Variants in MDGA2 observed in about 807,000 individuals in gnomAD.
MDGA2 encodes the protein MAM domain-containing glycosylphosphatidylinositol anchor protein 2.
In MDGA2, 40 loss-of-function variants were observed where a neutral mutation model predicts 117.8. The ratio of observed to expected loss-of-function variants is 0.34; its 90% CI spans 0.26 to 0.44. The LOEUF (loss-of-function observed/expected upper bound fraction) is 0.44, where lower values mean the gene tolerates loss of function less well. MDGA2 is among the 20% of genes least tolerant of loss of function. MDGA2 has a pLI of 1.00. For missense variants in MDGA2, 1,123 were observed against 1,250.6 expected (o/e 0.90, Z 1.54); for synonymous variants, 452 against 439.0 (o/e 1.03, Z -0.37).
At position 47,668,566 on chromosome 14, in the gene MDGA2, T is replaced by C. The variant is rs150317973; in HGVS notation, c.280+5951A>G. On this transcript the variant is annotated intron_variant, in intron 1 of 16. Coordinates refer to ENST00000399232, the MANE Select transcript of MDGA2 (RefSeq NM_001113498.3). ...TGGATTTGAAAATAAAGATAGGATATAGTTTTCTATGAATGCAATATTTTA... is the reference window on the plus strand; with the variant it reads ...TGGATTTGAAAATAAAGATAGGATACAGTTTTCTATGAATGCAATATTTTA... 3.1e-3 allele frequency among the ~76,000 whole-genome samples: 472 copies of C among 152,322 alleles called. 1 individual carries two copies. The highest frequency in any genetic ancestry group is 0.011 in the African/African-American group (444 of 41,582).
At chr14:47,189,138 T>G (rs971365083) in intron 3 of MDGA2, among the ~76,000 whole-genome samples, 2 of 152,134 alleles carry the variant, frequency 1.3e-5, no homozygotes, top group African/African-American at 2.4e-5. Flanking sequence ...GATTGCAACC[T>G]TGATCTCACT....
intron 12 of MDGA2, among the ~76,000 whole-genome samples, 185 bp downstream of exon 12, chr14:46,877,304 A>C (rs536355419): frequency 2.0e-5 from 3 of 151,796 alleles, no homozygotes; most frequent in Admixed American, 6.6e-5. Context: ...AGTATTAAAA[A>C]ATTGTATTTA....
At chr14:47,601,153 T>C (rs1485459295) in intron 1 of MDGA2, among the ~76,000 whole-genome samples, 1 of 152,154 alleles carries the variant, frequency 6.6e-6, no homozygotes, top group Non-Finnish European at 1.5e-5. Flanking sequence ...GGCAACCTCC[T>C]TTTGCTCTGT....
chr14:47,172,845 T>G (rs1353479258), intron 3 of MDGA2, among the ~76,000 whole-genome samples: 1 of 152,134 alleles, frequency 6.6e-6, no homozygotes, highest in African/African-American at 2.4e-5. Context: ...ACGATCAAAC[T>G]ACTCCGAGCT....
chr14:47,196,093 T>A (rs1225093954), intron 3 of MDGA2, among the ~76,000 whole-genome samples: 1 of 152,110 alleles, frequency 6.6e-6, no homozygotes, highest in Non-Finnish European at 1.5e-5. Context: ...GTAATCTACT[T>A]AATTTCTAAG....
intron 8 of MDGA2, among the ~76,000 whole-genome samples, chr14:47,020,939 A>C (rs1298234700): frequency 6.6e-6 from 1 of 152,156 alleles, no homozygotes; most frequent in African/African-American, 2.4e-5. Context: ...AAAGAAAATA[A>C]TTTTTAAATT....
At chr14:47,057,696 C>T (rs1387115083) in intron 7 of MDGA2, among the ~76,000 whole-genome samples, 3 of 149,330 alleles carry the variant, frequency 2.0e-5, no homozygotes, top group Non-Finnish European at 4.5e-5. Flanking sequence ...CTCCAATCTG[C>T]CTTGCCTTGC....
chr14:47,323,118 T>G lies in MDGA2; in HGVS notation c.281-21568A>C, dbSNP rs564240722. 4.1e-4 allele frequency among the ~76,000 whole-genome samples: 58 copies of G among 143,144 alleles called. No individual in the cohort carries two copies. In the South Asian group the frequency reaches 0.012, roughly 30 times the overall value. The allele number at this position is 143,144 out of a possible 152,430, so 93.9% of individuals were successfully genotyped here. A position where few individuals can be genotyped will look rare whatever the true frequency, so the allele number is the denominator to read the frequency against. On this transcript the variant is annotated intron_variant, in intron 1 of 16. Coordinates refer to ENST00000399232, the MANE Select transcript of MDGA2 (RefSeq NM_001113498.3). ...TTCCTGGAATGAACTTTGTTATGTGTTGAATAAGCCCCAGAGAAAAAAGAG... is the reference window on the plus strand; with the variant it reads ...TTCCTGGAATGAACTTTGTTATGTGGTGAATAAGCCCCAGAGAAAAAAGAG...
chr14:46,873,599 C>T lies in MDGA2; in HGVS notation c.2594-8G>A. On this transcript the variant is annotated splice_region_variant and splice_polypyrimidine_tract_variant and intron_variant, in intron 13 of 16. Transcript: ENST00000399232. The stretch of plus-strand genomic sequence containing the variant: ...CAATGTACATATAAAAACCTTAAAA[C>T]AGACAAAATAAAGTGTTTAAACACA... The T allele has an allele frequency of 6.2e-7, 1 of 1,608,696 alleles. No individual in the cohort carries two copies. Among genetic ancestry groups the T allele is most frequent in the South Asian group, 1.1e-5 (1 of 90,470 alleles).
chr14:47,186,987 C>T (rs1019679977), intron 3 of MDGA2, among the ~76,000 whole-genome samples: 1 of 151,730 alleles, frequency 6.6e-6, no homozygotes, highest in Non-Finnish European at 1.5e-5. Flanking sequence ...GCCAATATTC[C>T]CATTTATTTC....
Position 47,349,886 on chromosome 14 carries a change from C to T in MDGA2, c.281-48336G>A, listed in dbSNP as rs181980584. On this transcript the variant is annotated intron_variant, in intron 1 of 16. Coordinates refer to ENST00000399232, the MANE Select transcript of MDGA2 (RefSeq NM_001113498.3). ...TAACCTGGCCCTCCTTTGCCTGCTG[C>T]CTTCCATGTGGCTCCAGCCAGTGAG... Among the ~76,000 whole-genome samples, 20 of 152,304 alleles carry T rather than the reference C, an allele frequency of 1.3e-4. No homozygotes were observed. In the East Asian group the frequency reaches 3.1e-3, roughly 24 times the overall value.
chr14:47,642,003 T>A (rs1256208220), intron 1 of MDGA2, among the ~76,000 whole-genome samples: 1 of 152,034 alleles, frequency 6.6e-6, no homozygotes, highest in Non-Finnish European at 1.5e-5. Flanking sequence ...GGGAACTGGG[T>A]GTTACAGTGC....
chr14:46,962,408 G>A (rs1271855582), intron 8 of MDGA2, among the ~76,000 whole-genome samples: 1 of 151,950 alleles, frequency 6.6e-6, no homozygotes, highest in Non-Finnish European at 1.5e-5. Context: ...CCAACTTCTT[G>A]GGAGACAGTT....
intron 1 of MDGA2, among the ~76,000 whole-genome samples, chr14:47,316,184 T>G (rs2139858651): frequency 6.6e-6 from 1 of 152,252 alleles, no homozygotes; most frequent in Non-Finnish European, 1.5e-5. Context: ...TTACCATACT[T>G]TCTGGCTCAT....
chr14:47,637,961 T>C (rs575482920), intron 1 of MDGA2, among the ~76,000 whole-genome samples: 102 of 152,332 alleles, frequency 6.7e-4, no homozygotes, highest in East Asian at 1.3e-3. Context: ...ATTTGCTTAC[T>C]GTCTCCTTTG....
rs540139037 is a variant in MDGA2 at position 47,184,807 on chromosome 14, C to T, written c.595+33214G>A. 9.2e-5 allele frequency among the ~76,000 whole-genome samples: 14 copies of T among 151,542 alleles called. No individual in the cohort carries two copies. In the South Asian group the frequency reaches 2.5e-3, roughly 27 times the overall value. ...CTGAGGTGAATAAAGATGTTTAAAA[C>T]ATATATATCATGAAGGGAACTGAGA... is the stretch of plus-strand genomic sequence containing the variant. On this transcript the variant is annotated intron_variant, in intron 3 of 16. Coordinates refer to ENST00000399232, the MANE Select transcript of MDGA2 (RefSeq NM_001113498.3).
intron 1 of MDGA2, among the ~76,000 whole-genome samples, chr14:47,341,843 T>G (rs981706460): frequency 6.6e-6 from 1 of 152,024 alleles, no homozygotes; most frequent in African/African-American, 2.4e-5. Flanking sequence ...GCTTCTTTCT[T>G]TGTCTTTTAT....
chr14:47,280,463 T>G (rs1228843884), intron 2 of MDGA2, among the ~76,000 whole-genome samples: 1 of 152,022 alleles, frequency 6.6e-6, no homozygotes, highest in Non-Finnish European at 1.5e-5. Flanking sequence ...AGGAAGTTAC[T>G]ACATTCAAGG....
chr14:47,616,223 T>G (rs1002334565), intron 1 of MDGA2, among the ~76,000 whole-genome samples: 1 of 152,214 alleles, frequency 6.6e-6, no homozygotes, highest in Non-Finnish European at 1.5e-5. Flanking sequence ...GTCTGCACAT[T>G]GTCTGCTCCT....
Sources: allele counts gnomAD v4.1 joint callset (sites outside exome capture counted in the v4.1 genomes callset), GRCh38; gene constraint gnomAD v4.1.1; transcripts MANE v1.5; gene names NCBI Gene and HGNC (gene_info 2026-07-23, HGNC 2026-07-21).